DPP6: variants seen among roughly 807,000 people sequenced by gnomAD.
DPP6 encodes the protein dipeptidyl peptidase like 6.
DPP6 carries 69 observed loss-of-function variants against 122.6 expected under a neutral mutation model. The ratio of observed to expected loss-of-function variants is 0.56; its 90% CI spans 0.46 to 0.69. The LOEUF (loss-of-function observed/expected upper bound fraction) is 0.69. Ranked by LOEUF, DPP6 falls within the 30% of genes least tolerant of loss-of-function variation. DPP6 has a pLI of 0.00. For synonymous variants in DPP6, 418 were observed against 433.1 expected (o/e 0.97, Z 0.43); for missense variants, 928 against 1,116.9 (o/e 0.83, Z 2.41).
intron 17 of DPP6, among the ~76,000 whole-genome samples, chr7:154,855,386 T>C (rs1201969718): frequency 1.3e-5 from 2 of 152,208 alleles, no homozygotes; most frequent in African/African-American, 2.4e-5. Flanking sequence ...GAATGGCCGT[T>C]GGAGGGACCC....
chr7:154,733,759 G>C (rs2131384910), intron 8 of DPP6, among the ~76,000 whole-genome samples: 1 of 152,330 alleles, frequency 6.6e-6, no homozygotes, highest in South Asian at 2.1e-4. Flanking sequence ...ATGGTTTTCA[G>C]GGTCTGTTTT....
intron 23 of DPP6, among the ~76,000 whole-genome samples, chr7:154,888,844 T>C (rs1304416457): frequency 1.3e-5 from 2 of 152,192 alleles, no homozygotes; most frequent in South Asian, 2.1e-4. Context: ...CTCACAATCA[T>C]GCTGAAGGCA....
chr7:153,847,297 T>C, the DPP6 span, among the ~76,000 whole-genome samples: 2 of 152,224 alleles, frequency 1.3e-5, no homozygotes, highest in African/African-American at 2.4e-5. Flanking sequence ...ATCCCTCTCT[T>C]CACTCACTTA....
At chr7:154,176,868 G>A (rs945070590) in intron 1 of DPP6, among the ~76,000 whole-genome samples, 1 of 152,010 alleles carries the variant, frequency 6.6e-6, no homozygotes, top group Non-Finnish European at 1.5e-5. Flanking sequence ...TTGAGACAGG[G>A]CCTCAGTCTG....
intron 1 of DPP6, among the ~76,000 whole-genome samples, chr7:153,927,126 A>G (rs557532167): frequency 6.6e-6 from 1 of 152,250 alleles, no homozygotes; most frequent in African/African-American, 2.4e-5. Context: ...CAATCTGGGC[A>G]ACAGAGTTAG....
the DPP6 span, among the ~76,000 whole-genome samples, chr7:153,763,285 G>A: frequency 2.7e-5 from 4 of 148,360 alleles, no homozygotes; most frequent in African/African-American, 1.0e-4. Flanking sequence ...ACTCTCACTC[G>A]CCATTACCAC....
At chr7:154,463,429 G>C (rs891600994) in intron 2 of DPP6, among the ~76,000 whole-genome samples, 1 of 151,762 alleles carries the variant, frequency 6.6e-6, no homozygotes, top group East Asian at 1.9e-4. Flanking sequence ...GGATGGTCTC[G>C]ATCTCCTGAC....
At chr7:154,532,570 A>G (rs1024033622) in intron 3 of DPP6, among the ~76,000 whole-genome samples, 22 of 152,106 alleles carry the variant, frequency 1.4e-4, no homozygotes, top group Non-Finnish European at 2.1e-4. Flanking sequence ...GGTCAATAAA[A>G]TTGGTAAATA....
the DPP6 span, among the ~76,000 whole-genome samples, chr7:153,873,478 A>T: frequency 6.6e-6 from 1 of 152,240 alleles, no homozygotes; most frequent in Non-Finnish European, 1.5e-5. Context: ...TATAATGCCT[A>T]AAATCTAGTT....
rs180956379 is a variant in DPP6 at position 154,830,954 on chromosome 7, T to C, written c.1667-22826T>C. Among the ~76,000 whole-genome samples, 9 of 152,332 alleles carry C rather than the reference T, an allele frequency of 5.9e-5. No homozygotes were observed. The East Asian group carries it at 1.7e-3, about 29-fold the overall frequency. ...TGCTGGACAGCCACAGAACCGATTC[T>C]CGCAGCATGGCTGTAGTTGTGAACC... On this transcript the variant is annotated intron_variant, in intron 16 of 25. Transcript: ENST00000377770.
At chr7:154,198,047 C>T (rs1015787224) in intron 1 of DPP6, among the ~76,000 whole-genome samples, 4 of 152,186 alleles carry the variant, frequency 2.6e-5, no homozygotes, top group Admixed American at 6.5e-5. Context: ...CCATTCAGTG[C>T]TCCCACTGAG....
chr7:154,851,844 G>C (rs1802406544), intron 16 of DPP6, among the ~76,000 whole-genome samples: 1 of 152,172 alleles, frequency 6.6e-6, no homozygotes, highest in Non-Finnish European at 1.5e-5. Context: ...CCATCTGTGG[G>C]TGAACAGAGA....
At chr7:153,812,034 G>T in the DPP6 span, among the ~76,000 whole-genome samples, 1 of 151,788 alleles carries the variant, frequency 6.6e-6, no homozygotes, top group African/African-American at 2.4e-5. Flanking sequence ...GCACAGCCCG[G>T]ATCCACACAC....
At chr7:154,716,983 A>G (rs1841523773) in intron 7 of DPP6, among the ~76,000 whole-genome samples, 2 of 151,854 alleles carry the variant, frequency 1.3e-5, no homozygotes, top group African/African-American at 4.8e-5. Flanking sequence ...ACAGGCGTGC[A>G]CCACAACGCA....
intron 3 of DPP6, among the ~76,000 whole-genome samples, chr7:154,510,347 C>T (rs1825970935): frequency 1.3e-5 from 2 of 152,106 alleles, no homozygotes; most frequent in Admixed American, 1.3e-4. Context: ...TGGAGCTAAC[C>T]TCAGAACTTA....
At chr7:154,513,090 A>G (rs970881075) in intron 3 of DPP6, among the ~76,000 whole-genome samples, 5 of 152,122 alleles carry the variant, frequency 3.3e-5, no homozygotes, top group African/African-American at 9.7e-5. Context: ...TAGTTCTTTC[A>G]TTATTTTCTT....
At position 154,713,977 on chromosome 7, in the gene DPP6, C is replaced by A. The variant is rs558450244; in HGVS notation, c.763-13790C>A. 4.6e-5 allele frequency among the ~76,000 whole-genome samples: 7 copies of A among 152,328 alleles called. 1 individual carries two copies. In the East Asian group the frequency reaches 1.4e-3, roughly 29 times the overall value. On this transcript the variant is annotated intron_variant, in intron 7 of 25. Coordinates refer to ENST00000377770, the MANE Select transcript of DPP6 (RefSeq NM_130797.4). The stretch of plus-strand genomic sequence containing the variant: ...CTTTGTTATTTACAAATTTCTTCCT[C>A]TAGATACTTTAAATCATTTCTCTCA...
At chr7:153,880,914 A>C in the DPP6 span, among the ~76,000 whole-genome samples, 1 of 152,254 alleles carries the variant, frequency 6.6e-6, no homozygotes, top group South Asian at 2.1e-4. Flanking sequence ...ACTCTGGCAA[A>C]GTGAAACATT....
intron 1 of DPP6, among the ~76,000 whole-genome samples, chr7:154,004,146 C>T (rs1797804538): frequency 1.3e-5 from 2 of 152,216 alleles, no homozygotes; most frequent in South Asian, 4.1e-4. Context: ...CTGCTTTTAT[C>T]CTCACTGTCA....
Sources: gnomAD v4.1 joint callset for allele counts (sites outside exome capture counted in the v4.1 genomes callset) on GRCh38, gnomAD v4.1.1 for gene constraint, MANE v1.5 for transcripts, NCBI Gene and HGNC (gene_info 2026-07-23, HGNC 2026-07-21) for gene names.